Variants in NTN4 observed in about 807,000 individuals in gnomAD.
NTN4 encodes netrin-4.
NTN4 carries 32 observed loss-of-function variants against 73.6 expected under a neutral mutation model. The ratio of observed to expected loss-of-function variants is 0.44; its 90% CI spans 0.33 to 0.58. NTN4 has a LOEUF of 0.58. Ranked by LOEUF, NTN4 falls within the 20% of genes least tolerant of loss-of-function variation. The pLI is 0.04. For synonymous variants in NTN4, 258 were observed against 287.5 expected (o/e 0.90, Z 1.04); for missense variants, 654 against 798.3 (o/e 0.82, Z 2.18).
chr12:95,685,473 G>A (rs1565883614), intron 5 of NTN4, among the ~76,000 whole-genome samples: 3 of 152,252 alleles, frequency 2.0e-5, no homozygotes, highest in Middle Eastern at 6.8e-3. Flanking sequence ...CCTTATTGTG[G>A]TATCTACATC....
At position 95,766,888 on chromosome 12, in the gene NTN4, C is replaced by T. The variant is rs74348169; in HGVS notation, c.585+20051G>A. 1.9e-3 allele frequency among the ~76,000 whole-genome samples: 275 copies of T among 144,780 alleles called. 4 individuals are homozygous for T. The highest frequency in any genetic ancestry group is 6.4e-3 in the African/African-American group (258 of 40,194). 95.0% of individuals were successfully genotyped at this position (144,780 alleles called of 152,430 possible). ...AATTAAAACCTTCAGGTCTTTTTCA[C>T]ATGAATGGCTGATAAGTCCACCTCT... On this transcript the variant is annotated intron_variant, in intron 2 of 9. Transcript: ENST00000343702.
chr12:95,735,300 C>G (rs1437123774), intron 3 of NTN4, among the ~76,000 whole-genome samples: 1 of 151,998 alleles, frequency 6.6e-6, no homozygotes, highest in African/African-American at 2.4e-5. Context: ...AACTGGATCC[C>G]TGGAAGTCAA....
rs1312117885 is a variant in NTN4, at chr12:95,766,119, GGCAGTTAA to G, written c.585+20812_585+20819del. Among the ~76,000 whole-genome samples, 9 of 152,182 alleles carry G rather than the reference GGCAGTTAA, an allele frequency of 5.9e-5. No individual in the cohort carries two copies. In the South Asian group the frequency reaches 8.3e-4, roughly 14 times the overall value. On this transcript the variant is annotated intron_variant, in intron 2 of 9. Transcript: ENST00000343702. ...TTTTTCCTCTGCCTTCCTTTTCTTT[GGCAGTTAA>G]GTGACATCCTTATGTTCAGTGGCTA...
intron 3 of NTN4, among the ~76,000 whole-genome samples, chr12:95,724,414 A>G (rs2078675438): frequency 6.6e-6 from 1 of 152,174 alleles, no homozygotes; most frequent in Non-Finnish European, 1.5e-5. Context: ...TCCAACAGGG[A>G]TATTTACTTG....
intron 3 of NTN4, among the ~76,000 whole-genome samples, chr12:95,735,155 T>C (rs2121167043): frequency 6.6e-6 from 1 of 152,314 alleles, no homozygotes; most frequent in Non-Finnish European, 1.5e-5. Flanking sequence ...CACCCAAGCT[T>C]AGGGGTGGAA....
intron 5 of NTN4, among the ~76,000 whole-genome samples, chr12:95,692,916 A>G (rs926078610): frequency 2.6e-5 from 4 of 152,166 alleles, no homozygotes; most frequent in African/African-American, 9.7e-5. Flanking sequence ...TCATTAATGA[A>G]GGAAGCCACA....
At chr12:95,711,224 A>G (rs537253421) in intron 4 of NTN4, among the ~76,000 whole-genome samples, 1 of 152,220 alleles carries the variant, frequency 6.6e-6, no homozygotes, top group African/African-American at 2.4e-5. Context: ...AATTAAAAAA[A>G]ATAAGTTTCA....
At chr12:95,786,119 A>G (rs775287305) in intron 2 of NTN4, among the ~76,000 whole-genome samples, 1 of 152,242 alleles carries the variant, frequency 6.6e-6, no homozygotes, top group Non-Finnish European at 1.5e-5. Context: ...ATGGACCAGA[A>G]TTAGAATGAT....
In NTN4 at chr12:95,721,713, G is replaced by T. The variant is rs567074015; in HGVS notation, c.865-8375C>A. Among the ~76,000 whole-genome samples the T allele has an allele frequency of 2.0e-5, 3 of 152,316 alleles. No individual in the cohort carries two copies. In the East Asian group the frequency reaches 5.8e-4, roughly 29 times the overall value. The stretch of plus-strand genomic sequence containing the variant: ...TAAATCTAGTTATGAAGAATAAGAA[G>T]TACACTGTGCATAACCGAATGATTT... On this transcript the variant is annotated intron_variant, in intron 3 of 9. Coordinates refer to ENST00000343702, the MANE Select transcript of NTN4 (RefSeq NM_021229.4).
chr12:95,688,776 G>A (rs1460953983), intron 5 of NTN4, among the ~76,000 whole-genome samples: 3 of 127,296 alleles, frequency 2.4e-5, no homozygotes, highest in Admixed American at 1.6e-4. Flanking sequence ...TAGAGAAGGA[G>A]GAGAAAAAAA....
intron 3 of NTN4, among the ~76,000 whole-genome samples, chr12:95,734,634 G>A (rs968211772): frequency 3.3e-5 from 5 of 152,182 alleles, no homozygotes; most frequent in Admixed American, 1.3e-4. Flanking sequence ...AATAAATGGC[G>A]TCTAGAGACA....
chr12:95,776,738 C>A (rs1048871464), intron 2 of NTN4, among the ~76,000 whole-genome samples: 16 of 152,190 alleles, frequency 1.1e-4, no homozygotes, highest in South Asian at 8.3e-4. Context: ...AAACACTCTG[C>A]AGGATATTAT....
chr12:95,711,178 C>G (rs1471150626), intron 4 of NTN4, among the ~76,000 whole-genome samples: 1 of 151,958 alleles, frequency 6.6e-6, no homozygotes, highest in Non-Finnish European at 1.5e-5. Flanking sequence ...AAAAGGGTTT[C>G]TTGTGTAGCC....
chr12:95,708,813 G>A (rs2078541028), intron 5 of NTN4, among the ~76,000 whole-genome samples: 1 of 152,112 alleles, frequency 6.6e-6, no homozygotes, highest in South Asian at 2.1e-4. Flanking sequence ...CTACAGGCAG[G>A]AATTTTACAT....
intron 2 of NTN4, among the ~76,000 whole-genome samples, chr12:95,761,732 G>A (rs1457972979): frequency 2.6e-5 from 4 of 152,128 alleles, no homozygotes; most frequent in Non-Finnish European, 4.4e-5. Context: ...CTAGGAAAAC[G>A]ATAAACCATG....
intron 2 of NTN4, 133 bp from the exon 3 acceptor site, chr12:95,738,277 C>A (rs545979866): frequency 7.3e-6 from 6 of 821,412 alleles, no homozygotes; most frequent in Non-Finnish European, 9.6e-6. Context: ...AGTTTTTAGA[C>A]CTTGAGCACA....
chr12:95,789,874 G>A lies in NTN4; in HGVS notation c.55+381C>T, dbSNP rs892663614. ...CCCCAGCCCACGCGCGCCCAGGGTCGCTGGGCCACCCCTCCTCATCATTCC... is the reference window on the plus strand; with the variant it reads ...CCCCAGCCCACGCGCGCCCAGGGTCACTGGGCCACCCCTCCTCATCATTCC... On this transcript the variant is annotated intron_variant, in intron 1 of 9. Coordinates refer to ENST00000343702, the MANE Select transcript of NTN4 (RefSeq NM_021229.4). The surrounding 1 kb of genome is among the most constrained non-coding windows in gnomAD (Gnocchi z 4.0). The A allele has an allele frequency of 5.4e-6, 1 of 184,968 alleles. No homozygotes were observed. The highest frequency in any genetic ancestry group is 2.3e-5 in the African/African-American group (1 of 42,816). The allele number at this position is 184,968 out of a possible 1,614,324, so 11.5% of individuals were successfully genotyped here.
chr12:95,688,476 G>A (rs1213756772), intron 5 of NTN4, among the ~76,000 whole-genome samples: 1 of 152,060 alleles, frequency 6.6e-6, no homozygotes. Context: ...AGATAGGGAA[G>A]GAAGGGAAAG....
At position 95,659,002 on chromosome 12, in the gene NTN4, C is replaced by G; in HGVS notation, c.*84G>C. 1 of 1,358,608 alleles carries G rather than the reference C, an allele frequency of 7.4e-7. No individual in the cohort carries two copies. The highest frequency in any genetic ancestry group is 1.0e-6 in the Non-Finnish European group (1 of 1,004,804). 84.2% of individuals were successfully genotyped at this position (1,358,608 alleles called of 1,614,324 possible). A position where few individuals can be genotyped will look rare whatever the true frequency, so the allele number is the denominator to read the frequency against. On this transcript the variant is annotated 3_prime_UTR_variant, in exon 10 of 10. Coordinates refer to ENST00000343702, the MANE Select transcript of NTN4 (RefSeq NM_021229.4). ...ATATGTTTTGGCACTTTAAAAAATT[C>G]CAGTTTCCTGTCTGAGGTCTTCTTG...
Sources: allele counts gnomAD v4.1 joint callset (sites outside exome capture counted in the v4.1 genomes callset), GRCh38; gene constraint gnomAD v4.1.1; non-coding constraint Gnocchi (gnomAD v3.1); transcripts MANE v1.5; gene names NCBI Gene and HGNC (gene_info 2026-07-23, HGNC 2026-07-21).